The following ZNF705G variants were observed in gnomAD, a reference collection of about 807,000 sequenced individuals.
The protein encoded by ZNF705G is putative zinc finger protein 705G.
Under a neutral mutation model 19.6 loss-of-function variants are expected in ZNF705G, and 23 were observed. That is an observed-to-expected ratio of 1.17 (90% confidence interval 0.84 to 1.66). The LOEUF is 1.66. ZNF705G is among the 40% of genes most tolerant of loss of function. The pLI is 0.00. For synonymous variants in ZNF705G, 146 were observed against 117.7 expected, an observed-to-expected ratio of 1.24 and a Z score of -1.56; for missense variants, 457 against 354.4, an observed-to-expected ratio of 1.29 and a Z score of -2.32.
At position 7,360,249 on chromosome 8, in the gene ZNF705G, C is replaced by G. The variant is rs780388285; in HGVS notation, c.223G>C (p.Asp75His). 1.1e-5 allele frequency: 18 copies of G among 1,592,170 alleles called. 2 individuals are homozygous for G. In the African/African-American group the frequency reaches 2.5e-4, roughly 23 times the overall value. Reference sequence around the variant, plus strand: ...CCCTGTTGCTTACTTGGATTCTGGTCTTGAAGAAATACTCTTCCTTCCCTC... The same window carrying G: ...CCCTGTTGCTTACTTGGATTCTGGTGTTGAAGAAATACTCTTCCTTCCCTC... The part of the protein sequence containing the change: ...LWREGRVFLQ[D>H]QNPNRESALK... Residue 75 changes from aspartate (D) to histidine (H), a missense_variant, in exon 5 of 7, where the codon GAC (aspartate) becomes CAC (histidine). Asp to His is a moderately conservative substitution (Grantham distance 81, BLOSUM62 -1). Transcript: ENST00000400156.
intron 2 of ZNF705G, among the ~76,000 whole-genome samples, chr8:7,369,646 C>T (rs1306479388): frequency 1.3e-5 from 2 of 149,652 alleles, no homozygotes; most frequent in African/African-American, 5.1e-5. Flanking sequence ...TGGAATCAAC[C>T]TAGATGCCCA....
chr8:7,367,185 T>C (rs1159099329), intron 2 of ZNF705G, among the ~76,000 whole-genome samples: 1 of 149,372 alleles, frequency 6.7e-6, no homozygotes, highest in East Asian at 1.9e-4. Context: ...ATGGGACAAA[T>C]GTCTAATGAT....
chr8:7,365,020 C>T (rs1806793192), intron 2 of ZNF705G, among the ~76,000 whole-genome samples: 1 of 149,470 alleles, frequency 6.7e-6, no homozygotes, highest in Non-Finnish European at 1.5e-5. Flanking sequence ...AATTATAACC[C>T]AAACATGAAT....
At chr8:7,361,532 A>G (rs1478355345) in intron 3 of ZNF705G, among the ~76,000 whole-genome samples, 5 of 149,746 alleles carry the variant, frequency 3.3e-5, no homozygotes, top group African/African-American at 5.1e-5. Flanking sequence ...TGATTATAAA[A>G]TTTTCACTTG....
At chr8:7,361,089 C>A (rs776617517) in intron 4 of ZNF705G, 21 bp downstream of exon 4, 2 of 1,592,656 alleles carry the variant, frequency 1.3e-6, no homozygotes, top group South Asian at 1.1e-5. Flanking sequence ...TACATATGTA[C>A]ATGAATGTTC....
chr8:7,380,181 C>T (rs1268554556), intron 2 of ZNF705G, among the ~76,000 whole-genome samples: 1 of 142,582 alleles, frequency 7.0e-6, no homozygotes, highest in Non-Finnish European at 1.5e-5. Context: ...GCAATCCTGG[C>T]CCCCAGGAGC....
At position 7,382,831 on chromosome 8, in the gene ZNF705G, T is replaced by G. The variant is rs544823209; in HGVS notation, c.-221-1230A>C. Among the ~76,000 whole-genome samples the G allele has an allele frequency of 4.1e-5, 6 of 146,876 alleles. No homozygotes were observed. In the East Asian group the frequency reaches 1.2e-3, roughly 28 times the overall value. On this transcript the variant is annotated intron_variant, in intron 1 of 6. Transcript: ENST00000400156. ...AGTAGTTTTTGGGGTACAGATAGTT[T>G]TTTGTTACATGGATGAATTACATAG...
intron 3 of ZNF705G, among the ~76,000 whole-genome samples, 199 bp from the exon 4 acceptor site, chr8:7,361,435 A>C (rs1806590284): frequency 6.7e-6 from 1 of 149,672 alleles, no homozygotes; most frequent in African/African-American, 2.6e-5. Flanking sequence ...GAATCCATTA[A>C]AGTTTACTAT....
At chr8:7,364,272 A>C (rs1208138492) in intron 2 of ZNF705G, among the ~76,000 whole-genome samples, 1 of 149,696 alleles carries the variant, frequency 6.7e-6, no homozygotes, top group Non-Finnish European at 1.5e-5. Flanking sequence ...CCCTGCTAAA[A>C]ATATAAAAAT....
intron 2 of ZNF705G, among the ~76,000 whole-genome samples, chr8:7,369,794 C>T (rs1192457960): frequency 6.7e-6 from 1 of 149,086 alleles, no homozygotes; most frequent in Admixed American, 6.6e-5. Flanking sequence ...GAAGAGAAAA[C>T]CAAATACCAT....
chr8:7,385,291 G>A (rs959249227), intron 1 of ZNF705G, among the ~76,000 whole-genome samples: 2 of 148,808 alleles, frequency 1.3e-5, no homozygotes, highest in Admixed American at 6.6e-5. Context: ...GAATTTTGGG[G>A]GAGAGACACA....
At chr8:7,367,922 C>T (rs1323810481) in intron 2 of ZNF705G, among the ~76,000 whole-genome samples, 3 of 149,648 alleles carry the variant, frequency 2.0e-5, no homozygotes, top group East Asian at 3.9e-4. Context: ...CAGTTCACAT[C>T]TCAGTGCTTG....
rs758025723 is a variant in ZNF705G, at chr8:7,361,223, A to G, written c.26T>C (p.Phe9Ser). The G allele has an allele frequency of 1.3e-6, 2 of 1,592,378 alleles. No individual in the cohort carries two copies. Among genetic ancestry groups the G allele is most frequent in the East Asian group, 4.5e-5 (2 of 44,860 alleles). Reference sequence around the variant, plus strand: ...GGTGAAGTCAATAGCTACATCTTCAAAAGTCAGTTTCTTCTAAAACATCAC... The same window carrying G: ...GGTGAAGTCAATAGCTACATCTTCAGAAGTCAGTTTCTTCTAAAACATCAC... MHSLKKLT[F>S]EDVAIDFTQE... The change falls in exon 4 of 7, where the codon TTT becomes TCT. Residue 9 changes from phenylalanine (F) to serine (S), a missense_variant. Coordinates refer to ENST00000400156, the MANE Select transcript of ZNF705G (RefSeq NM_001164457.3).
At chr8:7,385,296 G>A (rs1466547548) in intron 1 of ZNF705G, among the ~76,000 whole-genome samples, 1 of 148,712 alleles carries the variant, frequency 6.7e-6, no homozygotes, top group Non-Finnish European at 1.5e-5. Context: ...TTGGGGGAGA[G>A]ACACAAACAC....
chr8:7,363,150 G>T (rs1166897411), intron 2 of ZNF705G, 133 bp from the exon 3 acceptor site: 6 of 1,211,288 alleles, frequency 5.0e-6, no homozygotes, highest in Non-Finnish European at 5.9e-6. Flanking sequence ...ACACAAACAT[G>T]CAGAGGCCTC....
At chr8:7,361,702 A>G (rs1232803972) in intron 3 of ZNF705G, among the ~76,000 whole-genome samples, 1 of 149,672 alleles carries the variant, frequency 6.7e-6, no homozygotes, top group Non-Finnish European at 1.5e-5. Context: ...AAATGGTTAA[A>G]AGACCTATGA....
chr8:7,358,159 G>T lies in ZNF705G; in HGVS notation c.720C>A (p.Ser240=). ...TTCTCTCATGTCTTTGAAGGTTAAAGGATTGAATAAAGACTTTCCCATATT... is the reference window on the plus strand; with the variant it reads ...TTCTCTCATGTCTTTGAAGGTTAAATGATTGAATAAAGACTTTCCCATATT... The part of the protein sequence containing the change: ...CHQYGKVFIQ[S]FNLQRHERTH... The change falls in exon 7 of 7, where the codon TCC becomes TCA. Residue 240 remains serine (S), a synonymous_variant. Transcript: ENST00000400156. The T allele has an allele frequency of 1.2e-6, 2 of 1,607,484 alleles. No homozygotes were observed. Among genetic ancestry groups the T allele is most frequent in the Non-Finnish European group, 1.7e-6 (2 of 1,179,608 alleles).
At chr8:7,382,876 A>G (rs1323113811) in intron 1 of ZNF705G, among the ~76,000 whole-genome samples, 5 of 146,946 alleles carry the variant, frequency 3.4e-5, no homozygotes, top group African/African-American at 1.1e-4. Flanking sequence ...CTGAGATTTT[A>G]GTACACCTGT....
intron 2 of ZNF705G, among the ~76,000 whole-genome samples, chr8:7,380,180 G>A (rs4840741): frequency 0.61 from 81,932 of 133,306 alleles, 22,044 homozygotes; most frequent in Admixed American, 0.67. Context: ...AGCAATCCTG[G>A]CCCCCAGGAG....
Sources: allele counts gnomAD v4.1 joint callset (sites outside exome capture counted in the v4.1 genomes callset), GRCh38; gene constraint gnomAD v4.1.1; transcripts MANE v1.5; gene names NCBI Gene and HGNC (gene_info 2026-07-23, HGNC 2026-07-21).